Variants in RBM33 observed in about 807,000 individuals in gnomAD.
RBM33 encodes the protein RNA-binding protein 33.
Under a neutral mutation model 132.6 loss-of-function variants are expected in RBM33, and 28 were observed. The observed-to-expected ratio is 0.21, with a 90% CI of 0.16 to 0.29. RBM33 has a LOEUF of 0.29. Ranked by LOEUF, RBM33 falls within the 10% of genes least tolerant of loss-of-function variation. The pLI is 1.00. For synonymous variants in RBM33, 634 were observed against 593.0 expected, an observed-to-expected ratio of 1.07 and a Z score of -1.01; for missense variants, 1,291 against 1,518.5, an observed-to-expected ratio of 0.85 and a Z score of 2.49.
intron 1 of RBM33, among the ~76,000 whole-genome samples, chr7:155,664,271 T>C (rs1480671509): frequency 2.0e-5 from 3 of 152,120 alleles, no homozygotes; most frequent in Non-Finnish European, 4.4e-5. Context: ...ATACATTTTT[T>C]TTTTTGAGAC....
At chr7:155,655,534 C>CTTTTTGTTT (rs1798469417) in intron 1 of RBM33, among the ~76,000 whole-genome samples, 1 of 80,114 alleles carries the variant, frequency 1.2e-5, no homozygotes, top group African/African-American at 5.1e-5. Context: ...GGCTGTTTGC[C>CTTTTTGTTT]TTTTTTTTTT....
chr7:155,764,086 G>C (rs1585544507), intron 15 of RBM33, 68 bp downstream of exon 15: 1 of 1,258,390 alleles, frequency 7.9e-7, no homozygotes, highest in African/African-American at 1.5e-5. Context: ...GTTCAGACGT[G>C]CTCTAATTTG....
At chr7:155,722,158 C>A (rs1325020879) in intron 9 of RBM33, among the ~76,000 whole-genome samples, 2 of 152,104 alleles carry the variant, frequency 1.3e-5, no homozygotes, top group Admixed American at 1.3e-4. Context: ...ATTTCCGTTA[C>A]ATAAGTTATG....
intron 8 of RBM33, among the ~76,000 whole-genome samples, chr7:155,715,535 T>A (rs1429898127): frequency 2.0e-5 from 3 of 152,174 alleles, no homozygotes; most frequent in African/African-American, 7.2e-5. Flanking sequence ...AGCGCACGTG[T>A]GATTTAGCAA....
Position 155,775,094 on chromosome 7 carries a change from C to A in RBM33, c.*53C>A. ...CTGTACACACACTGTGGAATTTCTT[C>A]AAGGGAGCTGCCGGCCGGCGCAGAA... On this transcript the variant is annotated 3_prime_UTR_variant, in exon 18 of 18. Transcript: ENST00000401878. The A allele has an allele frequency of 6.6e-7, 1 of 1,523,600 alleles. No homozygotes were observed. Among genetic ancestry groups the A allele is most frequent in the Non-Finnish European group, 9.1e-7 (1 of 1,097,430 alleles). 94.4% of individuals were successfully genotyped at this position (1,523,600 alleles called of 1,614,324 possible). A position where few individuals can be genotyped will look rare whatever the true frequency, so the allele number is the denominator to read the frequency against.
chr7:155,675,882 C>T lies in RBM33; in HGVS notation c.172-2726C>T, dbSNP rs115701118. 4.3e-3 allele frequency among the ~76,000 whole-genome samples: 653 copies of T among 152,208 alleles called. 6 individuals are homozygous for T. The highest frequency in any genetic ancestry group is 0.015 in the African/African-American group (620 of 41,514). On this transcript the variant is annotated intron_variant, in intron 3 of 17. Coordinates refer to ENST00000401878, the MANE Select transcript of RBM33 (RefSeq NM_053043.3). ...AAGCATTGCCCTCAATTTTCCATTC[C>T]CTGTTCGATACTACTTTTTAAAAAG...
chr7:155,773,612 G>A (rs997212755), intron 16 of RBM33, among the ~76,000 whole-genome samples: 1 of 146,330 alleles, frequency 6.8e-6, no homozygotes, highest in African/African-American at 2.6e-5. Context: ...AGGGGCTCCT[G>A]TGCGTGCTCC....
chr7:155,778,218 T>C lies in RBM33; in HGVS notation c.*3177T>C, dbSNP rs2117094137. 6.6e-6 allele frequency: 1 copy of C among 152,632 alleles called. No homozygotes were observed. The highest frequency in any genetic ancestry group is 1.5e-5 in the Non-Finnish European group (1 of 68,020). The allele number at this position is 152,632 out of a possible 1,614,324, so 9.5% of individuals were successfully genotyped here. ...GGCTTCACCATAACTATTTTTAATA[T>C]GGGTCATTCTTAGCATGATTTGTAA... On this transcript the variant is annotated 3_prime_UTR_variant, in exon 18 of 18. Transcript: ENST00000401878. This position sits in a 1 kb window ranked among gnomAD's most constrained non-coding sequence, Gnocchi z 4.0.
At chr7:155,684,856 A>G in intron 5 of RBM33, 1 of 1,455,538 alleles carries the variant, frequency 6.9e-7, no homozygotes, top group Non-Finnish European at 9.2e-7. Context: ...AGCATGAATC[A>G]TAAAGACGAA....
At chr7:155,729,755 A>G (rs985981565) in intron 9 of RBM33, among the ~76,000 whole-genome samples, 1 of 152,026 alleles carries the variant, frequency 6.6e-6, no homozygotes, top group Admixed American at 6.5e-5. Context: ...AAAAAAAAAA[A>G]AAAAAATTCT....
rs59289310 is a variant in RBM33 at position 155,716,316 on chromosome 7, G to GTTTT, written c.1202-2056_1202-2053dup. ...TGTCAGCTGTTTTTCCTTTTCTGCT[G>GTTTT]TTTTTTTTTTTTTTTTAAATAGGGA... On this transcript the variant is annotated intron_variant, in intron 8 of 17. Coordinates refer to ENST00000401878, the MANE Select transcript of RBM33 (RefSeq NM_053043.3). 2.5e-4 allele frequency among the ~76,000 whole-genome samples: 26 copies of GTTTT among 102,376 alleles called. 2 individuals carry two copies. The highest frequency in any genetic ancestry group is 1.0e-3 in the East Asian group (3 of 2,902). 67.2% of individuals were successfully genotyped at this position (102,376 alleles called of 152,430 possible). A position where few individuals can be genotyped will look rare whatever the true frequency, so the allele number is the denominator to read the frequency against.
chr7:155,646,189 A>G (rs899251363), intron 1 of RBM33, among the ~76,000 whole-genome samples: 4 of 152,128 alleles, frequency 2.6e-5, no homozygotes, highest in South Asian at 4.1e-4. Context: ...AGTAGTGTAC[A>G]GTGGAGTTTT....
chr7:155,709,408 G>C (rs1448096296), intron 7 of RBM33, among the ~76,000 whole-genome samples: 1 of 151,974 alleles, frequency 6.6e-6, no homozygotes. Flanking sequence ...TTTTGTTCTC[G>C]TCCTCCTTTT....
At chr7:155,717,607 T>A (rs1331757203) in intron 8 of RBM33, among the ~76,000 whole-genome samples, 1 of 152,102 alleles carries the variant, frequency 6.6e-6, no homozygotes, top group Non-Finnish European at 1.5e-5. Context: ...CCTAGGTGTA[T>A]CTGCCAGCAC....
rs763742295 is a variant in RBM33, at chr7:155,738,369, C to T, written c.1703C>T (p.Pro568Leu). ...CCGTTCCTGCCAGGCCCAGGACAGC[C>T]GTTTCTGCCCACACACACACAGCCC... ...RQPFLPGPGQ[P>L]FLPTHTQPNL... The change falls in exon 11 of 18, where the codon CCG (proline) becomes CTG (leucine). Residue 568 changes from proline to leucine, a missense_variant. Transcript: ENST00000401878. 8.1e-6 allele frequency: 13 copies of T among 1,613,840 alleles called. No homozygotes were observed. The highest frequency in any genetic ancestry group is 2.2e-5 in the South Asian group (2 of 91,062).
chr7:155,773,353 G>A (rs1261083449), intron 16 of RBM33, among the ~76,000 whole-genome samples: 2 of 152,052 alleles, frequency 1.3e-5, no homozygotes, highest in Non-Finnish European at 2.9e-5. Context: ...GGATCATGAG[G>A]TCAGAAGTTT....
At position 155,766,661 on chromosome 7, in the gene RBM33, C is replaced by T. The variant is rs761648164; in HGVS notation, c.3375+6C>T. The T allele has an allele frequency of 2.6e-5, 42 of 1,606,448 alleles. No individual in the cohort carries two copies. Among genetic ancestry groups the T allele is most frequent in the East Asian group, 6.7e-5 (3 of 44,622 alleles). On this transcript the variant is annotated splice_donor_region_variant and intron_variant, in intron 16 of 17. Transcript: ENST00000401878. ...TGTCAGTGGGACCCATTCAGGTAGCCGCCTGGGGGTGGCATCTGTGCCACG... is the reference window on the plus strand; with the variant it reads ...TGTCAGTGGGACCCATTCAGGTAGCTGCCTGGGGGTGGCATCTGTGCCACG...
intron 3 of RBM33, among the ~76,000 whole-genome samples, chr7:155,673,807 C>CACACA: frequency 6.7e-6 from 1 of 150,026 alleles, no homozygotes; most frequent in Non-Finnish European, 1.5e-5. Context: ...CACACCCCTA[C>CACACA]CAGTATATTT....
At chr7:155,743,486 G>T (rs1047250072) in intron 13 of RBM33, among the ~76,000 whole-genome samples, 8 of 152,200 alleles carry the variant, frequency 5.3e-5, no homozygotes, top group Admixed American at 5.2e-4. Context: ...TCAAAAAGAT[G>T]CCTTGAGTGA....
Sources: allele counts gnomAD v4.1 joint callset (sites outside exome capture counted in the v4.1 genomes callset), GRCh38; gene constraint gnomAD v4.1.1; non-coding constraint Gnocchi (gnomAD v3.1); transcripts MANE v1.5; gene names NCBI Gene and HGNC (gene_info 2026-07-23, HGNC 2026-07-21).